VMP1: variants seen among roughly 807,000 people sequenced by gnomAD.
VMP1 encodes the protein ectopic P-granules autophagy protein 3 homolog.
In VMP1, 11 loss-of-function variants were observed where a neutral mutation model predicts 56.0. The observed-to-expected ratio is 0.20, with a 90% CI of 0.12 to 0.32. VMP1 has a LOEUF of 0.32. Among genes scored for constraint, VMP1 ranks in the 10% least tolerant of loss-of-function variants. The pLI is 1.00. For missense variants in VMP1, 296 were observed against 490.3 expected (o/e 0.60, Z 3.74); for synonymous variants, 149 against 165.0 (o/e 0.90, Z 0.74).
intron 9 of VMP1, among the ~76,000 whole-genome samples, chr17:59,813,316 A>C (rs1208798643): frequency 6.6e-6 from 1 of 152,018 alleles, no homozygotes; most frequent in African/African-American, 2.4e-5. Flanking sequence ...GGTGGCTCAC[A>C]CCTGTAATCC....
At chr17:59,794,739 C>T (rs1038816448) in intron 7 of VMP1, among the ~76,000 whole-genome samples, 5 of 151,068 alleles carry the variant, frequency 3.3e-5, no homozygotes, top group African/African-American at 9.7e-5. Flanking sequence ...AGTCAGCCCC[C>T]GAGAAAGCCT....
intron 5 of VMP1, among the ~76,000 whole-genome samples, chr17:59,758,561 A>G (rs1469713932): frequency 1.3e-5 from 2 of 151,962 alleles, no homozygotes; most frequent in Non-Finnish European, 2.9e-5. Context: ...GTGGTGGCTC[A>G]CACCAGTAAT....
At chr17:59,812,718 G>T (rs1393276659) in intron 9 of VMP1, among the ~76,000 whole-genome samples, 2 of 151,878 alleles carry the variant, frequency 1.3e-5, no homozygotes, top group East Asian at 3.9e-4. Flanking sequence ...AGATCATGAG[G>T]TCAGGAGATC....
chr17:59,762,626 A>T (rs966861218), intron 5 of VMP1, among the ~76,000 whole-genome samples: 4 of 152,218 alleles, frequency 2.6e-5, no homozygotes, highest in Non-Finnish European at 4.4e-5. Context: ...CTGAGTTGTT[A>T]ATGTTCATTT....
At chr17:59,781,387 G>T (rs1264085720) in intron 7 of VMP1, among the ~76,000 whole-genome samples, 1 of 152,096 alleles carries the variant, frequency 6.6e-6, no homozygotes, top group Non-Finnish European at 1.5e-5. Context: ...ATTCCAGACT[G>T]CTTTCTTTGC....
At chr17:59,818,049 A>G (rs1000417034) in intron 10 of VMP1, among the ~76,000 whole-genome samples, 4 of 152,314 alleles carry the variant, frequency 2.6e-5, no homozygotes, top group Admixed American at 6.5e-5. Context: ...CTGTAGCCCC[A>G]CCAAAGAAAT....
chr17:59,709,180 A>G (rs2143676601), intron 1 of VMP1, among the ~76,000 whole-genome samples: 1 of 152,322 alleles, frequency 6.6e-6, no homozygotes, highest in African/African-American at 2.4e-5. Context: ...AATTTGAGAT[A>G]TGGAATTATG....
intron 5 of VMP1, among the ~76,000 whole-genome samples, chr17:59,749,070 C>T (rs1374252477): frequency 6.6e-6 from 1 of 150,904 alleles, no homozygotes; most frequent in Non-Finnish European, 1.5e-5. Flanking sequence ...CTGCCTCAGC[C>T]TCCCCAGTAG....
At chr17:59,798,997 A>G (rs967924228) in intron 7 of VMP1, among the ~76,000 whole-genome samples, 4 of 152,232 alleles carry the variant, frequency 2.6e-5, no homozygotes, top group Non-Finnish European at 5.9e-5. Context: ...ATGAGTATAA[A>G]CAGAAACCCA....
At chr17:59,738,810 G>T in intron 4 of VMP1, 27 bp from the exon 5 acceptor site, 1 of 1,497,704 alleles carries the variant, frequency 6.7e-7, no homozygotes, top group South Asian at 1.1e-5. Context: ...GAGAATTCAC[G>T]GTTTTCACCT....
chr17:59,772,950 C>CTTTTTTTTTTTTTTTTTTTTTTTTTTT lies in VMP1; in HGVS notation c.583-800_583-774dup, dbSNP rs1179269248. On this transcript the variant is annotated intron_variant, in intron 6 of 11. Transcript: ENST00000262291. ...TATCTAACACATATACTGGTGAATT[C>CTTTTTTTTTTTTTTTTTTTTTTTTTTT]TTTTTTTTTTTTTTTTTTTTTTTTT... Among the ~76,000 whole-genome samples the CTTTTTTTTTTTTTTTTTTTTTTTTTTT allele has an allele frequency of 1.3e-4, 7 of 55,718 alleles. 1 individual carries two copies. The highest frequency in any genetic ancestry group is 3.9e-4 in the African/African-American group (5 of 12,784). 36.6% of individuals were successfully genotyped at this position (55,718 alleles called of 152,430 possible).
intron 6 of VMP1, among the ~76,000 whole-genome samples, chr17:59,771,166 C>T (rs1025944602): frequency 6.8e-6 from 1 of 146,294 alleles, no homozygotes; most frequent in Admixed American, 6.8e-5. Context: ...TACATTACAC[C>T]TTTTTTTTTT....
chr17:59,725,521 G>T (rs2034566925), intron 1 of VMP1, among the ~76,000 whole-genome samples: 1 of 144,134 alleles, frequency 6.9e-6, no homozygotes, highest in Admixed American at 7.0e-5. Context: ...ACTTGGGATG[G>T]TTTTAAATCA....
chr17:59,755,837 C>T (rs543113104), intron 5 of VMP1, among the ~76,000 whole-genome samples: 7 of 150,534 alleles, frequency 4.7e-5, no homozygotes, highest in African/African-American at 7.3e-5. Context: ...CTCCTGGGCT[C>T]GAGTGGTCCT....
chr17:59,795,125 G>A (rs375636499), intron 7 of VMP1, among the ~76,000 whole-genome samples: 13 of 150,830 alleles, frequency 8.6e-5, no homozygotes, highest in South Asian at 6.3e-4. Context: ...ACAGGCATGC[G>A]CCACCACGCC....
At position 59,731,678 on chromosome 17, in the gene VMP1, A is replaced by G. The variant is rs189447520; in HGVS notation, c.76+156A>G. Among the ~76,000 whole-genome samples, 229 of 152,278 alleles carry G rather than the reference A, an allele frequency of 1.5e-3. 3 individuals are homozygous for G. Among genetic ancestry groups the G allele is most frequent in the Non-Finnish European group, 2.5e-3 (167 of 68,008 alleles). ...GGTCAGTCAGGGCCTGTAAGGTGAT[A>G]TTTCACAGTGATGGCAGAAGGAGCC... is the stretch of plus-strand genomic sequence containing the variant. On this transcript the variant is annotated intron_variant, in intron 2 of 11. Transcript: ENST00000262291.
At chr17:59,807,555 G>A (rs558925491) in intron 7 of VMP1, among the ~76,000 whole-genome samples, 8 of 151,912 alleles carry the variant, frequency 5.3e-5, no homozygotes, top group Non-Finnish European at 8.8e-5. Flanking sequence ...ACTAAAGGCC[G>A]GGTGTAGTGG....
At chr17:59,836,970 G>A (rs1426722618) in intron 10 of VMP1, among the ~76,000 whole-genome samples, 4 of 152,028 alleles carry the variant, frequency 2.6e-5, no homozygotes, top group African/African-American at 9.7e-5. Flanking sequence ...GGGAGGCCGA[G>A]GAAGGGGGAT....
At chr17:59,791,569 C>G (rs898988438) in intron 7 of VMP1, among the ~76,000 whole-genome samples, 1 of 147,170 alleles carries the variant, frequency 6.8e-6, no homozygotes, top group Non-Finnish European at 1.5e-5. Flanking sequence ...CTCCCTGGTT[C>G]AAGTGATTCT....
Sources: allele counts gnomAD v4.1 joint callset (sites outside exome capture counted in the v4.1 genomes callset), GRCh38; gene constraint gnomAD v4.1.1; transcripts MANE v1.5; gene names NCBI Gene and HGNC (gene_info 2026-07-23, HGNC 2026-07-21).